TEX11: variants seen among roughly 807,000 people sequenced by gnomAD.
TEX11 encodes the protein testis expressed 11.
In TEX11, 7 loss-of-function variants were observed where a neutral mutation model predicts 84.4. That is an observed-to-expected ratio of 0.08 (90% confidence interval 0.05 to 0.16). The LOEUF (loss-of-function observed/expected upper bound fraction) is 0.16. TEX11 is among the 10% of genes least tolerant of loss of function. The pLI, the probability that TEX11 is intolerant of heterozygous loss-of-function variation, is 1.00. For synonymous variants in TEX11, 264 were observed against 222.8 expected (o/e 1.18, Z -1.64); for missense variants, 551 against 660.5 (o/e 0.83, Z 1.82).
intron 25 of TEX11, among the ~76,000 whole-genome samples, chrX:70,565,369 T>TG (rs1378165992): frequency 9.3e-6 from 1 of 107,411 alleles, no homozygotes; most frequent in Non-Finnish European, 1.9e-5. Flanking sequence ...TTCACTCTGA[T>TG]GGTAGTTTCT....
chrX:70,815,694 G>C (rs777576759), intron 8 of TEX11, among the ~76,000 whole-genome samples: 2 of 111,007 alleles, frequency 1.8e-5, no homozygotes, highest in Non-Finnish European at 3.8e-5. Context: ...GGACATCTTG[G>C]AACATGTCCC....
At chrX:70,710,881 G>A (rs966103037) in intron 13 of TEX11, among the ~76,000 whole-genome samples, 5 of 110,200 alleles carry the variant, frequency 4.5e-5, no homozygotes, top group East Asian at 2.8e-4. Context: ...TTGGTGTGCC[G>A]CACCCATTAA....
intron 17 of TEX11, among the ~76,000 whole-genome samples, chrX:70,635,898 G>A (rs369780499): frequency 5.4e-5 from 6 of 111,177 alleles, no homozygotes; most frequent in African/African-American, 1.6e-4. Context: ...CCATAGGTAC[G>A]AGGCTAGCAC....
At chrX:70,619,816 CTT>C (rs550244042) in intron 20 of TEX11, among the ~76,000 whole-genome samples, 7 of 100,324 alleles carry the variant, frequency 7.0e-5, no homozygotes, top group Admixed American at 2.2e-4. Flanking sequence ...GTGCCAGTAT[CTT>C]TTTTTTTTTT....
At chrX:70,867,367 TAA>T (rs1268774869) in intron 4 of TEX11, among the ~76,000 whole-genome samples, 4 of 110,775 alleles carry the variant, frequency 3.6e-5, no homozygotes, top group African/African-American at 1.3e-4. Context: ...CTCAAGGAAA[TAA>T]GAGAGGACAC....
At chrX:70,900,991 A>T (rs2091800361) in intron 2 of TEX11, among the ~76,000 whole-genome samples, 1 of 111,668 alleles carries the variant, frequency 9.0e-6, no homozygotes, top group African/African-American at 3.3e-5. Flanking sequence ...GTAGGCAGGC[A>T]GATCGCTTGA....
the TEX11 span, among the ~76,000 whole-genome samples, chrX:70,520,207 T>G: frequency 2.7e-5 from 3 of 112,143 alleles, no homozygotes; most frequent in Admixed American, 2.9e-4. Flanking sequence ...GCTCTGGTTT[T>G]TAGAATTTTC....
intron 13 of TEX11, among the ~76,000 whole-genome samples, chrX:70,705,127 A>C (rs1160786987): frequency 1.8e-5 from 2 of 111,177 alleles, no homozygotes; most frequent in African/African-American, 6.5e-5. Context: ...ATTATTTCTG[A>C]GGCCTCTGTT....
intron 7 of TEX11, among the ~76,000 whole-genome samples, chrX:70,834,006 C>T (rs2091391544): frequency 9.0e-6 from 1 of 110,897 alleles, no homozygotes; most frequent in Non-Finnish European, 1.9e-5. Flanking sequence ...GTCTGAACTG[C>T]TATGTATATC....
At chrX:70,693,157 C>T (rs2090251058) in intron 13 of TEX11, among the ~76,000 whole-genome samples, 1 of 111,615 alleles carries the variant, frequency 9.0e-6, no homozygotes, top group African/African-American at 3.3e-5. Flanking sequence ...AGGAGAATCA[C>T]TTGAACCCAG....
intron 8 of TEX11, among the ~76,000 whole-genome samples, chrX:70,813,422 T>A (rs995978085): frequency 3.6e-5 from 4 of 111,614 alleles, no homozygotes; most frequent in African/African-American, 1.3e-4. Context: ...AAACTCTCAA[T>A]AAATTAGGTA....
chrX:70,606,038 G>A (rs1458894917), intron 23 of TEX11, among the ~76,000 whole-genome samples: 2 of 112,021 alleles, frequency 1.8e-5, no homozygotes, highest in Non-Finnish European at 3.8e-5. Context: ...ATTCTTACAC[G>A]CCAATCCTAC....
At position 70,881,192 on chromosome X, in the gene TEX11, G is replaced by A. The variant is rs1434225723; in HGVS notation, c.38-1083C>T. ...AAAATACAAAAATTAGCTAGGCGTG[G>A]TGTGCCCGCCTGTAATCCCAGCTAC... On this transcript the variant is annotated intron_variant, in intron 2 of 29. Transcript: ENST00000374333. Among the ~76,000 whole-genome samples, 4 of 108,181 alleles carry A rather than the reference G, an allele frequency of 3.7e-5. No individual in the cohort carries two copies. The East Asian group carries it at 1.2e-3, about 31-fold the overall frequency. The allele number at this position is 108,181 out of a possible 115,157, so 93.9% of individuals were successfully genotyped here. A position where few individuals can be genotyped will look rare whatever the true frequency, so the allele number is the denominator to read the frequency against.
intron 23 of TEX11, among the ~76,000 whole-genome samples, chrX:70,606,347 G>T (rs748376393): frequency 8.9e-6 from 1 of 111,860 alleles, no homozygotes; most frequent in African/African-American, 3.2e-5. Context: ...GTGTATGAAG[G>T]ATATTCTTTA....
intron 28 of TEX11, among the ~76,000 whole-genome samples, chrX:70,547,745 CG>C (rs2088151963): frequency 9.0e-6 from 1 of 111,520 alleles, no homozygotes. Flanking sequence ...GTTAGAATGG[CG>C]ATCATTAAAA....
chrX:70,783,017 A>ACTCTC (rs1329922105), intron 9 of TEX11, among the ~76,000 whole-genome samples: 3 of 111,560 alleles, frequency 2.7e-5, no homozygotes, highest in Non-Finnish European at 5.6e-5. Context: ...CCCCAAATCA[A>ACTCTC]CAGAATATAC....
At chrX:70,591,290 GA>G (rs934594400) in intron 25 of TEX11, among the ~76,000 whole-genome samples, 2 of 110,617 alleles carry the variant, frequency 1.8e-5, no homozygotes, top group African/African-American at 6.6e-5. Context: ...ATAGAGTGGG[GA>G]AAAAATCAGC....
intron 24 of TEX11, among the ~76,000 whole-genome samples, chrX:70,601,791 G>A (rs376350021): frequency 9.0e-5 from 9 of 99,744 alleles, no homozygotes; most frequent in South Asian, 5.2e-4. Context: ...ATCTTGCACC[G>A]CCCTTAATCC....
chrX:70,729,358 G>T (rs779629325), intron 11 of TEX11, among the ~76,000 whole-genome samples: 1 of 111,585 alleles, frequency 9.0e-6, no homozygotes, highest in African/African-American at 3.3e-5. Context: ...ATTAAACTAC[G>T]CCAAGCTAAA....
Sources: allele counts gnomAD v4.1 joint callset (sites outside exome capture counted in the v4.1 genomes callset), GRCh38; gene constraint gnomAD v4.1.1; transcripts MANE v1.5; gene names NCBI Gene and HGNC (gene_info 2026-07-23, HGNC 2026-07-21).